The following PCMT1 variants were observed in gnomAD, a reference collection of about 807,000 sequenced individuals.
PCMT1 encodes protein-L-isoaspartate (D-aspartate) O-methyltransferase.
A neutral mutation model predicts 29.2 loss-of-function variants in PCMT1; 9 were observed. The observed-to-expected ratio is 0.31, with a 90% CI of 0.19 to 0.54. The LOEUF (loss-of-function observed/expected upper bound fraction) is 0.54, where lower values mean the gene tolerates loss of function less well. Among genes scored for constraint, PCMT1 ranks in the 20% least tolerant of loss-of-function variants. PCMT1 has a pLI of 0.95. For synonymous variants in PCMT1, 98 were observed against 97.5 expected (o/e 1.00, Z -0.03); for missense variants, 184 against 282.2 (o/e 0.65, Z 2.49).
chr6:149,785,291 T>C (rs1316991744), intron 3 of PCMT1, among the ~76,000 whole-genome samples: 1 of 142,042 alleles, frequency 7.0e-6, no homozygotes, highest in Non-Finnish European at 1.5e-5. Context: ...TGTTAATTTT[T>C]TTTTAATTGT....
intron 7 of PCMT1, chr6:149,810,073 G>A (rs1405430833): frequency 6.5e-6 from 1 of 152,718 alleles, no homozygotes; most frequent in Non-Finnish European, 1.5e-5. Flanking sequence ...CTGGCTGAGT[G>A]AATGGTTTCT....
intron 1 of PCMT1, among the ~76,000 whole-genome samples, chr6:149,762,808 T>TAC (rs1786854132): frequency 1.9e-5 from 1 of 53,784 alleles, no homozygotes; most frequent in Non-Finnish European, 2.6e-5. Context: ...GATATATATA[T>TAC]CTATGATAAT....
At position 149,802,393 on chromosome 6, in the gene PCMT1, T is replaced by C; in HGVS notation, c.*14T>C. ...AGGTGGAAGTGATTTTATCTTCTGC[T>C]CTTTCTTCTTCCACACATGCAAGGT... On this transcript the variant is annotated 3_prime_UTR_variant, in exon 7 of 8. Coordinates refer to ENST00000464889, the MANE Select transcript of PCMT1 (RefSeq NM_001360452.2). The C allele has an allele frequency of 6.3e-7, 1 of 1,594,214 alleles. No homozygotes were observed. The highest frequency in any genetic ancestry group is 8.6e-7 in the Non-Finnish European group (1 of 1,167,922).
At position 149,771,219 on chromosome 6, in the gene PCMT1, C is replaced by T. The variant is rs1787307880; in HGVS notation, c.113C>T (p.Ser38Phe). The part of the protein sequence containing the change: ...VFEVMLATDR[S>F]HYAKCNPYMD... ...GAAGTGATGCTGGCTACAGACCGCTCCCACTATGCAAAATGTAACCCATAC... is the reference window on the plus strand; with the variant it reads ...GAAGTGATGCTGGCTACAGACCGCTTCCACTATGCAAAATGTAACCCATAC... The change falls in exon 2 of 8, where the codon TCC (serine) becomes TTC (phenylalanine). Residue 38 changes from serine (S) to phenylalanine (F), a missense_variant. Physicochemically the swap from Ser to Phe is radical, Grantham distance 155. Coordinates refer to ENST00000464889, the MANE Select transcript of PCMT1 (RefSeq NM_001360452.2). 1.9e-6 allele frequency: 3 copies of T among 1,612,720 alleles called. No homozygotes were observed. The highest frequency in any genetic ancestry group is 2.5e-6 in the Non-Finnish European group (3 of 1,178,902).
At chr6:149,756,451 C>T (rs1294298119) in intron 1 of PCMT1, among the ~76,000 whole-genome samples, 10 of 146,810 alleles carry the variant, frequency 6.8e-5, no homozygotes, top group Non-Finnish European at 7.4e-5. Flanking sequence ...TGGGTTCAAG[C>T]GACTCCTCCA....
At chr6:149,803,797 G>GA (rs35832236) in intron 7 of PCMT1, among the ~76,000 whole-genome samples, 1,213 of 109,800 alleles carry the variant, frequency 0.011, 8 homozygotes, top group African/African-American at 0.024. Context: ...ACAGCCACTG[G>GA]AAAAAAAAAA....
At chr6:149,762,331 C>A (rs1786774880) in intron 1 of PCMT1, among the ~76,000 whole-genome samples, 2 of 151,372 alleles carry the variant, frequency 1.3e-5, no homozygotes, top group Non-Finnish European at 2.9e-5. Flanking sequence ...GGTCTTTAGA[C>A]CCTAGGGCGG....
chr6:149,749,864 T>A lies in PCMT1; in HGVS notation c.-38T>A. 6.3e-7 allele frequency: 1 copy of A among 1,599,608 alleles called. No homozygotes were observed. The highest frequency in any genetic ancestry group is 1.1e-5 in the South Asian group (1 of 88,886). The stretch of plus-strand genomic sequence containing the variant: ...AAACTGCTGGGCACCGTCGTCGCGC[T>A]GAAGGTGGTTCTGTACCTGCTCCGA... On this transcript the variant is annotated 5_prime_UTR_variant, in exon 1 of 8. Transcript: ENST00000464889.
intron 3 of PCMT1, among the ~76,000 whole-genome samples, chr6:149,789,083 T>G (rs1788243884): frequency 6.9e-6 from 1 of 145,884 alleles, no homozygotes; most frequent in African/African-American, 2.5e-5. Flanking sequence ...TTTTTTTTTT[T>G]TTTTTTTTGA....
chr6:149,806,841 C>T (rs898039476), intron 7 of PCMT1, among the ~76,000 whole-genome samples: 2 of 152,196 alleles, frequency 1.3e-5, no homozygotes, highest in African/African-American at 4.8e-5. Flanking sequence ...TTCCACCCAC[C>T]TCAGCCTCCC....
rs1562398154 is a variant in PCMT1, at chr6:149,762,545, T to G, written c.56-8617T>G. Among the ~76,000 whole-genome samples the G allele has an allele frequency of 2.4e-4, 2 of 8,222 alleles. 1 individual carries two copies. Among genetic ancestry groups the G allele is most frequent in the Non-Finnish European group, 3.4e-4 (2 of 5,946 alleles). The allele number at this position is 8,222 out of a possible 152,430, so 5.4% of individuals were successfully genotyped here. A position where few individuals can be genotyped will look rare whatever the true frequency, so the allele number is the denominator to read the frequency against. Reference sequence around the variant, plus strand: ...TATATATATCTATGATATATATATCTATGATATATATATATCTATGATATA... The same window carrying G: ...TATATATATCTATGATATATATATCGATGATATATATATATCTATGATATA... On this transcript the variant is annotated intron_variant, in intron 1 of 7. Coordinates refer to ENST00000464889, the MANE Select transcript of PCMT1 (RefSeq NM_001360452.2).
intron 7 of PCMT1, among the ~76,000 whole-genome samples, chr6:149,807,673 T>G (rs1776054023): frequency 6.6e-6 from 1 of 152,140 alleles, no homozygotes; most frequent in Non-Finnish European, 1.5e-5. Context: ...ACCCAGACTA[T>G]TTTTGTTTTT....
At chr6:149,807,792 G>A (rs1029959050) in intron 7 of PCMT1, among the ~76,000 whole-genome samples, 1 of 152,162 alleles carries the variant, frequency 6.6e-6, no homozygotes, top group African/African-American at 2.4e-5. Context: ...TTCTTAAAGT[G>A]CCTTGCATCT....
Position 149,749,773 on chromosome 6 carries a change from A to C in PCMT1, c.-129A>C, listed in dbSNP as rs1468715866. 1.9e-5 allele frequency: 30 copies of C among 1,549,092 alleles called. No individual in the cohort carries two copies. The South Asian group carries it at 2.9e-4, about 15-fold the overall frequency. On this transcript the variant is annotated 5_prime_UTR_variant, in exon 1 of 8. Coordinates refer to ENST00000464889, the MANE Select transcript of PCMT1 (RefSeq NM_001360452.2). ...CGGCAGCGGCGGCGACGGCAGTAAC[A>C]GCGGCAGCTACAGCGGGGACGCGAG... is the stretch of plus-strand genomic sequence containing the variant.
chr6:149,756,192 G>A (rs577302721), intron 1 of PCMT1, among the ~76,000 whole-genome samples: 2 of 152,216 alleles, frequency 1.3e-5, no homozygotes, highest in South Asian at 4.1e-4. Flanking sequence ...CATTTAAGTC[G>A]AGATTTTTAG....
At chr6:149,789,856 G>T in intron 3 of PCMT1, 98 bp from the exon 4 acceptor site, 1 of 663,202 alleles carries the variant, frequency 1.5e-6, no homozygotes, top group South Asian at 2.6e-5. Flanking sequence ...CTTGGTAGAT[G>T]ACAATAGTAG....
intron 7 of PCMT1, among the ~76,000 whole-genome samples, chr6:149,808,915 T>C (rs949443351): frequency 4.7e-5 from 5 of 107,486 alleles, no homozygotes; most frequent in South Asian, 3.9e-4. Flanking sequence ...GGATTACAGG[T>C]GTGAGCCACT....
intron 3 of PCMT1, among the ~76,000 whole-genome samples, chr6:149,785,350 GTTTTC>G (rs1274637296): frequency 3.8e-5 from 2 of 52,934 alleles, no homozygotes; most frequent in Non-Finnish European, 6.6e-5. Context: ...GGCATTGGCT[GTTTTC>G]TTTTTTTTTT....
chr6:149,797,299 A>G (rs572826353), intron 6 of PCMT1: 3 of 152,316 alleles, frequency 2.0e-5, no homozygotes, highest in South Asian at 4.1e-4. Flanking sequence ...ATTGGAAGGA[A>G]AATAAAATAT....
Sources: gnomAD v4.1 joint callset for allele counts (sites outside exome capture counted in the v4.1 genomes callset) on GRCh38, gnomAD v4.1.1 for gene constraint, MANE v1.5 for transcripts, NCBI Gene and HGNC (gene_info 2026-07-23, HGNC 2026-07-21) for gene names.